EYS: variants seen among roughly 807,000 people sequenced by gnomAD.
EYS encodes the protein EGF-like photoreceptor maintenance factor.
Under a neutral mutation model 282.1 loss-of-function variants are expected in EYS, and 250 were observed. The ratio of observed to expected loss-of-function variants is 0.89; its 90% CI spans 0.80 to 0.98. The LOEUF (loss-of-function observed/expected upper bound fraction) is 0.98. Among genes scored for constraint, EYS ranks in the 50% least tolerant of loss-of-function variants. The pLI is 0.00. For synonymous variants in EYS, 1,355 were observed against 1,282.9 expected, an observed-to-expected ratio of 1.06 and a Z score of -1.20; for missense variants, 4,016 against 3,709.0, an observed-to-expected ratio of 1.08 and a Z score of -2.15.
rs57111776 is a variant in EYS at position 64,561,919 on chromosome 6, C to CAAAAA, written c.5644+28299_5644+28303dup. 6.7e-4 allele frequency among the ~76,000 whole-genome samples: 58 copies of CAAAAA among 87,164 alleles called. 1 individual carries two copies. Among genetic ancestry groups the CAAAAA allele is most frequent in the East Asian group, 3.1e-3 (9 of 2,926 alleles). 57.2% of individuals were successfully genotyped at this position (87,164 alleles called of 152,430 possible). A position where few individuals can be genotyped will look rare whatever the true frequency, so the allele number is the denominator to read the frequency against. ...AACTATTATAAAATTCACATGGAAC[C>CAAAAA]AAAAAAAAAAAAAAAAAAAGAGCTC... On this transcript the variant is annotated intron_variant, in intron 26 of 42. Transcript: ENST00000503581.
intron 5 of EYS, among the ~76,000 whole-genome samples, chr6:65,442,966 A>ATATATGTATATATACATATGTGCG (rs1768423403): frequency 6.6e-6 from 1 of 151,712 alleles, no homozygotes; most frequent in Non-Finnish European, 1.5e-5. Flanking sequence ...ACATATGTAC[A>ATATATGTATATATACATATGTGCG]TATATGTATA....
intron 14 of EYS, among the ~76,000 whole-genome samples, chr6:64,982,434 G>A (rs1279483075): frequency 1.3e-5 from 2 of 151,334 alleles, no homozygotes; most frequent in African/African-American, 2.4e-5. Context: ...CATTTTATGT[G>A]TATGTTTATA....
At chr6:64,191,476 T>A in intron 31 of EYS, among the ~76,000 whole-genome samples, 2 of 139,226 alleles carry the variant, frequency 1.4e-5, no homozygotes, top group Non-Finnish European at 1.5e-5. Flanking sequence ...GTGCTATCCC[T>A]TCCCCCCCCA....
intron 12 of EYS, among the ~76,000 whole-genome samples, chr6:65,275,956 A>T (rs1768034552): frequency 6.6e-6 from 1 of 152,172 alleles, no homozygotes; most frequent in African/African-American, 2.4e-5. Flanking sequence ...CCATCATGGT[A>T]TTCCACATAA....
chr6:63,809,415 G>A (rs1770984256), intron 36 of EYS, among the ~76,000 whole-genome samples: 1 of 152,170 alleles, frequency 6.6e-6, no homozygotes, highest in Admixed American at 6.5e-5. Context: ...AAATTGAACA[G>A]ATTGTAATGG....
intron 19 of EYS, among the ~76,000 whole-genome samples, chr6:64,870,663 C>A (rs1043240083): frequency 1.3e-5 from 2 of 151,488 alleles, no homozygotes; most frequent in Admixed American, 6.6e-5. Context: ...CTTAAAGATG[C>A]TTAAGAAGTA....
intron 2 of EYS, among the ~76,000 whole-genome samples, chr6:65,506,057 G>A (rs991872621): frequency 6.6e-6 from 1 of 152,052 alleles, no homozygotes; most frequent in African/African-American, 2.4e-5. Flanking sequence ...TTGGCATAAC[G>A]TTGCTAGGTG....
At chr6:65,198,230 T>G (rs556905988) in intron 12 of EYS, among the ~76,000 whole-genome samples, 2 of 152,174 alleles carry the variant, frequency 1.3e-5, no homozygotes, top group African/African-American at 4.8e-5. Flanking sequence ...CACTGGAAGG[T>G]GTGCAGGGGC....
intron 23 of EYS, among the ~76,000 whole-genome samples, chr6:64,618,084 G>T (rs970117870): frequency 6.6e-6 from 1 of 152,072 alleles, no homozygotes. Context: ...TTTGGCCATT[G>T]GCTGTAAGAA....
chr6:64,117,279 T>C (rs987971961), intron 31 of EYS, among the ~76,000 whole-genome samples: 7 of 150,768 alleles, frequency 4.6e-5, no homozygotes, highest in African/African-American at 1.7e-4. Context: ...ATGTGGCAGA[T>C]CTAAAATATC....
intron 34 of EYS, among the ~76,000 whole-genome samples, chr6:63,996,384 C>T (rs1209255631): frequency 6.6e-6 from 1 of 151,882 alleles, no homozygotes; most frequent in Non-Finnish European, 1.5e-5. Flanking sequence ...AGATCTGTTC[C>T]ATAATAATGT....
chr6:64,644,658 G>A (rs1768287757), intron 22 of EYS, among the ~76,000 whole-genome samples: 1 of 152,080 alleles, frequency 6.6e-6, no homozygotes, highest in Non-Finnish European at 1.5e-5. Context: ...AAAAGATGAT[G>A]AGCAAGGAAA....
intron 1 of EYS, among the ~76,000 whole-genome samples, chr6:65,671,142 C>T (rs1348650911): frequency 6.6e-6 from 1 of 152,092 alleles, no homozygotes; most frequent in African/African-American, 2.4e-5. Context: ...CAGCCTCCCA[C>T]ATCCTAGGAC....
chr6:65,201,549 C>T (rs12198213), intron 12 of EYS, among the ~76,000 whole-genome samples: 6,418 of 152,160 alleles, frequency 0.042, 186 homozygotes, highest in Middle Eastern at 0.065. Flanking sequence ...ATGTCATCTT[C>T]CACCATCTTA....
chr6:65,661,653 A>C (rs1768004973), intron 1 of EYS, among the ~76,000 whole-genome samples: 1 of 152,092 alleles, frequency 6.6e-6, no homozygotes, highest in Admixed American at 6.6e-5. Context: ...CTATGTGAAC[A>C]GAAAGGAGGA....
chr6:64,783,275 A>G (rs1372579368), intron 22 of EYS, among the ~76,000 whole-genome samples: 1 of 151,888 alleles, frequency 6.6e-6, no homozygotes, highest in Non-Finnish European at 1.5e-5. Context: ...TTATGAACTA[A>G]ACCTTATCCT....
intron 1 of EYS, among the ~76,000 whole-genome samples, chr6:65,706,580 A>C (rs1036800807): frequency 6.6e-5 from 10 of 152,180 alleles, no homozygotes; most frequent in Non-Finnish European, 1.5e-4. Context: ...AAACTTAAAC[A>C]ACCACGTACA....
chr6:65,223,722 G>A (rs1185077680), intron 12 of EYS, among the ~76,000 whole-genome samples: 2 of 152,100 alleles, frequency 1.3e-5, no homozygotes, highest in African/African-American at 4.8e-5. Flanking sequence ...AGTAGTCTAG[G>A]ACAATGGATA....
chr6:63,994,747 T>C (rs969697399), intron 34 of EYS, among the ~76,000 whole-genome samples: 8 of 152,114 alleles, frequency 5.3e-5, no homozygotes, highest in African/African-American at 1.4e-4. Flanking sequence ...CAATCAATAA[T>C]ATGTTTTCTT....
Sources: gnomAD v4.1 joint callset for allele counts (sites outside exome capture counted in the v4.1 genomes callset) on GRCh38, gnomAD v4.1.1 for gene constraint, MANE v1.5 for transcripts, NCBI Gene and HGNC (gene_info 2026-07-23, HGNC 2026-07-21) for gene names.